Variants in HGS observed in about 807,000 individuals in gnomAD.
The protein encoded by HGS is hepatocyte growth factor-regulated tyrosine kinase substrate, also known as human growth factor-regulated tyrosine kinase substrate.
In HGS, 63 loss-of-function variants were observed where a neutral mutation model predicts 109.7. The ratio of observed to expected loss-of-function variants is 0.57; its 90% CI spans 0.47 to 0.71. The LOEUF (loss-of-function observed/expected upper bound fraction) is 0.71. Ranked by LOEUF, HGS falls within the 30% of genes least tolerant of loss-of-function variation. HGS has a pLI of 0.00. For synonymous variants in HGS, 546 were observed against 437.3 expected, an observed-to-expected ratio of 1.25 and a Z score of -3.10; for missense variants, 995 against 1,068.3, an observed-to-expected ratio of 0.93 and a Z score of 0.96.
chr17:81,690,445 G>T (rs1013475204), intron 6 of HGS: 21 of 643,356 alleles, frequency 3.3e-5, no homozygotes, highest in Non-Finnish European at 5.6e-5. Flanking sequence ...AGTGGCTAGG[G>T]GGCTCGGGAA....
At chr17:81,694,884 C>T (rs367572603) in intron 12 of HGS, 31 bp downstream of exon 12, 33 of 1,610,762 alleles carry the variant, frequency 2.0e-5, no homozygotes, top group Middle Eastern at 3.3e-4. Context: ...CATCCTCTCA[C>T]GGTTTCTGGC....
At chr17:81,690,350 A>G (rs986880323) in intron 6 of HGS, 116 bp downstream of exon 6, 4 of 1,068,934 alleles carry the variant, frequency 3.7e-6, no homozygotes, top group Admixed American at 1.9e-5. Context: ...TCTGTCTGGG[A>G]CCTGAGGATG....
At chr17:81,693,620 G>A (rs762753704) in intron 9 of HGS, 34 bp from the exon 10 acceptor site, 26 of 1,528,732 alleles carry the variant, frequency 1.7e-5, no homozygotes, top group African/African-American at 2.7e-5. Context: ...CCTCTTCCCC[G>A]GCGCCCCCCC....
intron 7 of HGS, 48 bp downstream of exon 7, chr17:81,690,790 C>G (rs1369757321): frequency 1.3e-6 from 2 of 1,543,102 alleles, no homozygotes; most frequent in African/African-American, 2.7e-5. Flanking sequence ...GACACCAGGT[C>G]CCCTGCCGTG....
In HGS at chr17:81,697,039, C is replaced by G. The variant is rs763118127; in HGVS notation, c.1882+41C>G. The G allele has an allele frequency of 2.7e-6, 4 of 1,498,204 alleles. No homozygotes were observed. In the East Asian group the frequency reaches 9.2e-5, roughly 35 times the overall value. The allele number at this position is 1,498,204 out of a possible 1,614,324, so 92.8% of individuals were successfully genotyped here. A position where few individuals can be genotyped will look rare whatever the true frequency, so the allele number is the denominator to read the frequency against. On this transcript the variant is annotated intron_variant, in intron 18 of 21. Coordinates refer to ENST00000329138, the MANE Select transcript of HGS (RefSeq NM_004712.5). ...GGCAGAGACCATGCCTTTTATCCCT[C>G]GTCTTTATTTTAGCCGAATTTACAG...
In HGS at chr17:81,695,949, G is replaced by A; in HGVS notation, c.1343G>A (p.Gly448Asp). 6.3e-7 allele frequency: 1 copy of A among 1,581,240 alleles called. No individual in the cohort carries two copies. Reference protein sequence around the residue: ...AVLSLFQSINGMHPQLLELLN... With the variant: ...AVLSLFQSINDMHPQLLELLN... ...CTCTCACTCTTCCAGTCCATCAACG[G>A]CATGCACCCGCAGCTGCTGGAGCTG... The change falls in exon 15 of 22, where the codon GGC becomes GAC. Residue 448 changes from glycine (G) to aspartate (D), a missense_variant. Transcript: ENST00000329138.
intron 18 of HGS, chr17:81,698,050 C>T (rs927933542): frequency 2.0e-5 from 3 of 152,116 alleles, no homozygotes; most frequent in African/African-American, 4.8e-5. Context: ...CCTGTAGTCC[C>T]AGCACATTGG....
At chr17:81,688,952 G>A (rs1337693908) in intron 5 of HGS, 125 bp downstream of exon 5, 55 of 1,328,576 alleles carry the variant, frequency 4.1e-5, no homozygotes, top group East Asian at 2.2e-4. Flanking sequence ...GGAGGAGGGC[G>A]GTGGCCTGGA....
chr17:81,693,954 T>C lies in HGS; in HGVS notation c.925T>C (p.Ser309Pro). The change falls in exon 11 of 22, where the codon TCT becomes CCT. Residue 309 changes from serine (S) to proline (P), a missense_variant. Physicochemically the swap from Ser to Pro is moderately conservative, Grantham distance 74 (BLOSUM62 -1). This residue lies in a region of HGS where 300 missense variants were observed against 235.4 expected (regional missense o/e 1.27). Transcript: ENST00000329138. ...SSAPPASSLY[S>P]SPVNSSAPLA... The stretch of plus-strand genomic sequence containing the variant: ...AGCGCCCCCCGCCAGCAGCCTGTAC[T>C]CTTCACCTGTGGTGAGCGGCCCTTG... 6.2e-7 allele frequency: 1 copy of C among 1,609,792 alleles called. No individual in the cohort carries two copies. Among genetic ancestry groups the C allele is most frequent in the Non-Finnish European group, 8.5e-7 (1 of 1,179,170 alleles).
intron 18 of HGS, 176 bp downstream of exon 18, chr17:81,697,174 A>T: frequency 2.8e-6 from 2 of 716,550 alleles, no homozygotes; most frequent in South Asian, 4.3e-5. Context: ...TTCCTGCTGG[A>T]GCCGTGTTTC....
chr17:81,685,033 A>G, intron 1 of HGS: 1 of 985,396 alleles, frequency 1.0e-6, no homozygotes, highest in South Asian at 4.7e-5. Flanking sequence ...CAGAGGGGCC[A>G]GTTGTTGGAG....
At position 81,691,494 on chromosome 17, in the gene HGS, C is replaced by A. The variant is rs1166936348; in HGVS notation, c.585C>A (p.Ser195=). ...CGQIFCGKCS[S]KYSTIPKFGI... Reference sequence around the variant, plus strand: ...AGATATTCTGTGGAAAGTGTTCTTCCAAGTACTCCACCATCCCCAAGTTTG... The same window carrying A: ...AGATATTCTGTGGAAAGTGTTCTTCAAAGTACTCCACCATCCCCAAGTTTG... Residue 195 remains serine, a synonymous_variant, in exon 8 of 22, where the codon TCC becomes TCA. Coordinates refer to ENST00000329138, the MANE Select transcript of HGS (RefSeq NM_004712.5). The surrounding 1 kb of genome is among the most constrained non-coding windows in gnomAD (Gnocchi z 5.3). 6.2e-7 allele frequency: 1 copy of A among 1,614,180 alleles called. No homozygotes were observed. Among genetic ancestry groups the A allele is most frequent in the South Asian group, 1.1e-5 (1 of 91,080 alleles).
chr17:81,693,893 G>C lies in HGS; in HGVS notation c.864G>C (p.Ser288=). Residue 288 remains serine (S), a synonymous_variant, in exon 11 of 22, where the codon TCG becomes TCC. Coordinates refer to ENST00000329138, the MANE Select transcript of HGS (RefSeq NM_004712.5). ...AGAGACAGAAGTCCACGTACACTTC[G>C]TACCCCAAGGCGGAGCCCATGCCCT... ...ERLRQKSTYT[S]YPKAEPMPSA... The C allele has an allele frequency of 6.2e-7, 1 of 1,610,780 alleles. No individual in the cohort carries two copies. The highest frequency in any genetic ancestry group is 8.5e-7 in the Non-Finnish European group (1 of 1,179,612).
At chr17:81,690,632 T>G in intron 6 of HGS, 42 bp from the exon 7 acceptor site, 1 of 1,583,824 alleles carries the variant, frequency 6.3e-7, no homozygotes, top group Non-Finnish European at 8.6e-7. Context: ...CTGGGGCTGG[T>G]GGGGCGGGAA....
rs527655944 is a variant in HGS at position 81,685,521 on chromosome 17, C to A, written c.38-84C>A. On this transcript the variant is annotated intron_variant, in intron 1 of 21. Coordinates refer to ENST00000329138, the MANE Select transcript of HGS (RefSeq NM_004712.5). Reference sequence around the variant, plus strand: ...AATGTCTAAAGGGGAAGGAGAGAGTCCCCCCCAGCTGCTGCCAAGCTGGGG... The same window carrying A: ...AATGTCTAAAGGGGAAGGAGAGAGTACCCCCCAGCTGCTGCCAAGCTGGGG... 4.4e-4 allele frequency: 349 copies of A among 795,864 alleles called. 7 individuals are homozygous for A. The South Asian group carries it at 5.8e-3, about 13-fold the overall frequency. 49.3% of individuals were successfully genotyped at this position (795,864 alleles called of 1,614,324 possible). A position where few individuals can be genotyped will look rare whatever the true frequency, so the allele number is the denominator to read the frequency against.
In HGS at chr17:81,687,111, G is replaced by T; in HGVS notation, c.291+16G>T. ...CCTGCTGAAGGTGGGTGAGACGGGG[G>T]CATGCGGGTGGCCACCCAGGCTGGC... is the stretch of plus-strand genomic sequence containing the variant. On this transcript the variant is annotated intron_variant, in intron 4 of 21. Coordinates refer to ENST00000329138, the MANE Select transcript of HGS (RefSeq NM_004712.5). 6.3e-7 allele frequency: 1 copy of T among 1,595,420 alleles called. No homozygotes were observed. Among genetic ancestry groups the T allele is most frequent in the South Asian group, 1.1e-5 (1 of 89,728 alleles).
Position 81,686,403 on chromosome 17 carries a change from TG to T in HGS, c.198+17del. On this transcript the variant is annotated intron_variant, in intron 3 of 21. Coordinates refer to ENST00000329138, the MANE Select transcript of HGS (RefSeq NM_004712.5). Reference sequence around the variant, plus strand: ...TGCCCTGGAGGTAAGCAGACCCCCGTGCCTCAGTGGCCCCCAGGGTCCCTAC... The same window carrying T: ...TGCCCTGGAGGTAAGCAGACCCCCGTCCTCAGTGGCCCCCAGGGTCCCTAC... 1 of 1,607,188 alleles carries T rather than the reference TG, an allele frequency of 6.2e-7. No homozygotes were observed. The highest frequency in any genetic ancestry group is 2.2e-5 in the East Asian group (1 of 44,832).
In HGS at chr17:81,693,760, G is replaced by C; in HGVS notation, c.840+8G>C. The C allele has an allele frequency of 6.5e-7, 1 of 1,540,346 alleles. No homozygotes were observed. On this transcript the variant is annotated splice_region_variant and intron_variant, in intron 10 of 21. Coordinates refer to ENST00000329138, the MANE Select transcript of HGS (RefSeq NM_004712.5). The stretch of plus-strand genomic sequence containing the variant: ...GAGGAGAAGGAGAGGCTGGTAAGCC[G>C]GGTGGGGCGGGGCGGCCTCAGGAGG...
chr17:81,700,526 C>G lies in HGS; in HGVS notation c.1942C>G (p.Pro648Ala). The G allele has an allele frequency of 6.2e-7, 1 of 1,609,362 alleles. No homozygotes were observed. Among genetic ancestry groups the G allele is most frequent in the Non-Finnish European group, 8.5e-7 (1 of 1,177,772 alleles). ...AGGGGCCACTGGGGCGCAGGCGGCC[C>G]CCCAGGCCCAGGCCGGACCCACCGC... ...PAGATGAQAA[P>A]QAQAGPTASP... The change falls in exon 19 of 22, where the codon CCC becomes GCC. Residue 648 changes from proline (P) to alanine (A), a missense_variant. Physicochemically the swap from Pro to Ala is conservative, Grantham distance 27. Coordinates refer to ENST00000329138, the MANE Select transcript of HGS (RefSeq NM_004712.5).
Sources: allele counts gnomAD v4.1 joint callset, GRCh38; gene constraint gnomAD v4.1.1; regional missense constraint gnomAD v4.1.1; non-coding constraint Gnocchi (gnomAD v3.1); transcripts MANE v1.5; gene names NCBI Gene and HGNC (gene_info 2026-07-23, HGNC 2026-07-21).